The following PLEKHA5 variants were observed in gnomAD, a reference collection of about 807,000 sequenced individuals.
The protein encoded by PLEKHA5 is pleckstrin homology domain-containing family A member 5.
A neutral mutation model predicts 181.9 loss-of-function variants in PLEKHA5; 55 were observed. The observed-to-expected ratio is 0.30, with a 90% CI of 0.24 to 0.38. The LOEUF is 0.38. Ranked by LOEUF, PLEKHA5 falls within the 10% of genes least tolerant of loss-of-function variation. PLEKHA5 has a pLI of 1.00. For synonymous variants in PLEKHA5, 535 were observed against 529.4 expected (o/e 1.01, Z -0.15); for missense variants, 1,432 against 1,549.5 (o/e 0.92, Z 1.27).
intron 15 of PLEKHA5, among the ~76,000 whole-genome samples, chr12:19,292,219 A>G (rs905769085): frequency 6.6e-6 from 1 of 152,080 alleles, no homozygotes; most frequent in African/African-American, 2.4e-5. Context: ...GAGGCTGGCC[A>G]ACATGGAGAA....
intron 3 of PLEKHA5, among the ~76,000 whole-genome samples, chr12:19,174,136 A>T (rs541747160): frequency 9.4e-4 from 143 of 152,314 alleles, no homozygotes; most frequent in African/African-American, 3.3e-3. Flanking sequence ...ATCTAATTTT[A>T]TTTTAAGATA....
At chr12:19,264,939 CTCTG>C (rs1183791419) in intron 7 of PLEKHA5, among the ~76,000 whole-genome samples, 1 of 152,156 alleles carries the variant, frequency 6.6e-6, no homozygotes, top group Admixed American at 6.5e-5. Context: ...TCATAAACAT[CTCTG>C]CCCCCAAGCA....
chr12:19,186,180 T>G (rs558702936), intron 3 of PLEKHA5, among the ~76,000 whole-genome samples: 124 of 152,358 alleles, frequency 8.1e-4, no homozygotes, highest in Non-Finnish European at 1.3e-3. Flanking sequence ...AAAATGGCTG[T>G]GCTAATTTTG....
chr12:19,132,312 G>T (rs765670234), intron 2 of PLEKHA5, 81 bp from the exon 3 acceptor site: 3 of 775,406 alleles, frequency 3.9e-6, no homozygotes, highest in Non-Finnish European at 6.6e-6. Context: ...GCTAATAAAT[G>T]AAAATGGATA....
In PLEKHA5 at chr12:19,283,642, A is replaced by T; in HGVS notation, c.1676A>T (p.Tyr559Phe). The stretch of plus-strand genomic sequence containing the variant: ...CCTTCCCACGGGTCAATAGCTGCTT[A>T]TCAGGGATACTCCCCTCAACGAACT... Reference protein sequence around the residue: ...TSPSHGSIAAYQGYSPQRTYR... With the variant: ...TSPSHGSIAAFQGYSPQRTYR... The change falls in exon 12 of 32, where the codon TAT becomes TTT. Residue 559 changes from tyrosine to phenylalanine, a missense_variant. Transcript: ENST00000429027. 4.3e-6 allele frequency: 7 copies of T among 1,614,144 alleles called. No individual in the cohort carries two copies. Among genetic ancestry groups the T allele is most frequent in the Non-Finnish European group, 5.9e-6 (7 of 1,179,966 alleles).
intron 3 of PLEKHA5, among the ~76,000 whole-genome samples, chr12:19,147,477 T>C (rs2039204669): frequency 1.3e-5 from 2 of 152,132 alleles, no homozygotes; most frequent in African/African-American, 2.4e-5. Flanking sequence ...AACTGAAGTG[T>C]GAGGAGGCAA....
At chr12:19,173,795 C>G (rs962729330) in intron 3 of PLEKHA5, among the ~76,000 whole-genome samples, 5 of 151,984 alleles carry the variant, frequency 3.3e-5, no homozygotes, top group African/African-American at 1.2e-4. Context: ...TGAATTTGGC[C>G]AGGTCTCATG....
At position 19,145,651 on chromosome 12, in the gene PLEKHA5, T is replaced by C. The variant is rs573882846; in HGVS notation, c.227+13201T>C. ...CTTGATGGTTTTGTTATACTCCTGT[T>C]GTTGGACATCGAGGTTTTTTCCTAT... On this transcript the variant is annotated intron_variant, in intron 3 of 31. Transcript: ENST00000429027. Among the ~76,000 whole-genome samples, 297 of 152,284 alleles carry C rather than the reference T, an allele frequency of 2.0e-3. 1 individual carries two copies. Among genetic ancestry groups the C allele is most frequent in the Non-Finnish European group, 3.4e-3 (233 of 68,026 alleles).
intron 30 of PLEKHA5, among the ~76,000 whole-genome samples, chr12:19,367,882 G>A (rs963815430): frequency 8.6e-5 from 13 of 151,392 alleles, no homozygotes; most frequent in South Asian, 4.2e-4. Context: ...CACTGCGCCC[G>A]GCCCAGCTTT....
At position 19,367,602 on chromosome 12, in the gene PLEKHA5, T is replaced by C. The variant is rs149510241; in HGVS notation, c.3754+1493T>C. Among the ~76,000 whole-genome samples the C allele has an allele frequency of 6.6e-3, 1,001 of 151,152 alleles. 12 individuals are homozygous for C. Among genetic ancestry groups the C allele is most frequent in the African/African-American group, 0.023 (947 of 41,212 alleles). On this transcript the variant is annotated intron_variant, in intron 30 of 31. Coordinates refer to ENST00000429027, the MANE Select transcript of PLEKHA5 (RefSeq NM_001256470.2). Reference sequence around the variant, plus strand: ...ATTTTATTTTATTTTATTTTTGAGATGGAGTCTTGCTCTGTTGCCCAGGCT... The same window carrying C: ...ATTTTATTTTATTTTATTTTTGAGACGGAGTCTTGCTCTGTTGCCCAGGCT...
At position 19,322,341 on chromosome 12, in the gene PLEKHA5, A is replaced by G; in HGVS notation, c.2249A>G (p.Lys750Arg). 1.9e-6 allele frequency: 3 copies of G among 1,613,582 alleles called. No homozygotes were observed. Among genetic ancestry groups the G allele is most frequent in the Non-Finnish European group, 2.5e-6 (3 of 1,179,548 alleles). Residue 750 changes from lysine to arginine, a missense_variant, in exon 19 of 32, where the codon AAA becomes AGA. Coordinates refer to ENST00000429027, the MANE Select transcript of PLEKHA5 (RefSeq NM_001256470.2). ...TTAAGCCGATTATGTGAACAAGATA[A>G]AGTGGTGCATGCTCTGGAAGAGAAA... Reference protein sequence around the residue: ...AKLSRLCEQDKVVHALEEKLQ... With the variant: ...AKLSRLCEQDRVVHALEEKLQ...
chr12:19,195,618 C>T (rs931865684), intron 3 of PLEKHA5, among the ~76,000 whole-genome samples: 3 of 137,624 alleles, frequency 2.2e-5, no homozygotes, highest in East Asian at 2.2e-4. Flanking sequence ...TGCAGCAGTG[C>T]GCTGAGATTG....
At chr12:19,335,093 A>C (rs1354570556) in intron 20 of PLEKHA5, among the ~76,000 whole-genome samples, 5 of 144,140 alleles carry the variant, frequency 3.5e-5, no homozygotes, top group Admixed American at 7.2e-5. Flanking sequence ...GCAGTAGCAC[A>C]ATTTTGGCTC....
intron 15 of PLEKHA5, among the ~76,000 whole-genome samples, chr12:19,299,359 G>A (rs937040944): frequency 2.6e-5 from 4 of 152,166 alleles, no homozygotes; most frequent in African/African-American, 9.7e-5. Context: ...GAGAACAAAG[G>A]CTACCATAAC....
At chr12:19,340,398 C>T (rs1316589259) in intron 21 of PLEKHA5, among the ~76,000 whole-genome samples, 5 of 141,012 alleles carry the variant, frequency 3.5e-5, no homozygotes, top group Non-Finnish European at 6.4e-5. Flanking sequence ...GCCAGCCGCC[C>T]CGTCCGGGAG....
intron 26 of PLEKHA5, among the ~76,000 whole-genome samples, chr12:19,355,616 C>T (rs1403600797): frequency 1.3e-5 from 2 of 150,546 alleles, no homozygotes. Context: ...AAAGTACATG[C>T]CAAAAAAAAC....
chr12:19,306,623 G>A (rs974709026), intron 15 of PLEKHA5: 6 of 1,052,116 alleles, frequency 5.7e-6, no homozygotes, highest in African/African-American at 3.2e-5. Context: ...TGGTGGCGGC[G>A]GTGGAGGCGG....
chr12:19,349,162 G>T (rs2094472374), intron 25 of PLEKHA5, among the ~76,000 whole-genome samples: 1 of 150,746 alleles, frequency 6.6e-6, no homozygotes, highest in East Asian at 2.0e-4. Context: ...TCTGTCACCT[G>T]AGCTGCTGTA....
At chr12:19,278,600 C>T (rs2075245048) in intron 11 of PLEKHA5, among the ~76,000 whole-genome samples, 2 of 152,076 alleles carry the variant, frequency 1.3e-5, no homozygotes, top group Admixed American at 1.3e-4. Flanking sequence ...ATGGAGTCAG[C>T]TTTCCCTAGC....
Sources: allele counts gnomAD v4.1 joint callset (sites outside exome capture counted in the v4.1 genomes callset), GRCh38; gene constraint gnomAD v4.1.1; transcripts MANE v1.5; gene names NCBI Gene and HGNC (gene_info 2026-07-23, HGNC 2026-07-21).